SH3BP4: variants seen among roughly 807,000 people sequenced by gnomAD.
The protein encoded by SH3BP4 is SH3 domain binding protein 4, also known as SH3 domain-binding protein 4.
In SH3BP4, 33 loss-of-function variants were observed where a neutral mutation model predicts 65.5. The observed-to-expected ratio is 0.50, with a 90% CI of 0.38 to 0.67. The LOEUF is 0.67. SH3BP4 is among the 30% of genes least tolerant of loss of function. The pLI, the probability that SH3BP4 is intolerant of heterozygous loss-of-function variation, is 0.00. For missense variants in SH3BP4, 1,134 were observed against 1,261.4 expected (o/e 0.90, Z 1.53); for synonymous variants, 552 against 545.5 (o/e 1.01, Z -0.17).
At position 235,054,011 on chromosome 2, in the gene SH3BP4, C is replaced by G. The variant is rs914669506; in HGVS notation, c.*195C>G. 1 of 543,244 alleles carries G rather than the reference C, an allele frequency of 1.8e-6. No individual in the cohort carries two copies. Among genetic ancestry groups the G allele is most frequent in the Non-Finnish European group, 3.3e-6 (1 of 305,020 alleles). 33.7% of individuals were successfully genotyped at this position (543,244 alleles called of 1,614,324 possible). On this transcript the variant is annotated 3_prime_UTR_variant, in exon 6 of 6. Transcript: ENST00000392011. Reference sequence around the variant, plus strand: ...GGCCTGAAGGGACTGCCTACTGCAGCTCGTTGCCAATCACATAGCTTTCTA... The same window carrying G: ...GGCCTGAAGGGACTGCCTACTGCAGGTCGTTGCCAATCACATAGCTTTCTA...
At chr2:235,027,795 T>G (rs1015815393) in intron 2 of SH3BP4, among the ~76,000 whole-genome samples, 1 of 152,182 alleles carries the variant, frequency 6.6e-6, no homozygotes, top group African/African-American at 2.4e-5. Flanking sequence ...ACGTGAACAG[T>G]CTGTGCGCTC....
rs970724428 is a variant in SH3BP4 at position 235,035,501 on chromosome 2, T to C, written c.118+381T>C. On this transcript the variant is annotated intron_variant, in intron 3 of 5. Coordinates refer to ENST00000392011, the MANE Select transcript of SH3BP4 (RefSeq NM_014521.3). This position sits in a 1 kb window ranked among gnomAD's most constrained non-coding sequence, Gnocchi z 5.0. ...CGGGGAGAGGTCAGCAAACCTTTTC[T>C]CCAAACAGTCTGATGGGAAATATTT... Among the ~76,000 whole-genome samples the C allele has an allele frequency of 6.6e-6, 1 of 152,170 alleles. No homozygotes were observed. Among genetic ancestry groups the C allele is most frequent in the Non-Finnish European group, 1.5e-5 (1 of 68,044 alleles).
At chr2:235,049,078 A>G (rs1695965479) in intron 4 of SH3BP4, among the ~76,000 whole-genome samples, 1 of 152,240 alleles carries the variant, frequency 6.6e-6, no homozygotes, top group South Asian at 2.1e-4. Flanking sequence ...AAACTAAACC[A>G]GGGCTGGGCT....
Position 235,034,445 on chromosome 2 carries a change from C to T in SH3BP4, c.-132-426C>T, listed in dbSNP as rs933085466. On this transcript the variant is annotated intron_variant, in intron 2 of 5. Transcript: ENST00000392011. The surrounding 1 kb of genome is among the most constrained non-coding windows in gnomAD (Gnocchi z 6.2). ...GGGCCGAGTCACCATGATGACTGCC[C>T]CTGCGCTGGGATCAGCCACTCTGAA... is the stretch of plus-strand genomic sequence containing the variant. 6.6e-6 allele frequency among the ~76,000 whole-genome samples: 1 copy of T among 152,064 alleles called. No homozygotes were observed. Among genetic ancestry groups the T allele is most frequent in the Non-Finnish European group, 1.5e-5 (1 of 68,024 alleles).
chr2:235,023,495 C>T (rs754194242), intron 2 of SH3BP4, among the ~76,000 whole-genome samples: 6 of 151,904 alleles, frequency 3.9e-5, no homozygotes, highest in Non-Finnish European at 5.9e-5. Flanking sequence ...TGCAGTGAGC[C>T]GAGATCGCAT....
chr2:234,954,540 G>A (rs1031743251), intron 1 of SH3BP4, among the ~76,000 whole-genome samples: 3 of 152,194 alleles, frequency 2.0e-5, no homozygotes, highest in East Asian at 1.9e-4. Context: ...GTCTGTTCAT[G>A]TATTGTGCTC....
In SH3BP4 at chr2:235,014,245, G is replaced by A. The variant is rs756588966; in HGVS notation, c.-133+18869G>A. Among the ~76,000 whole-genome samples the A allele has an allele frequency of 7.9e-5, 12 of 152,280 alleles. No homozygotes were observed. In the South Asian group the frequency reaches 2.3e-3, roughly 29 times the overall value. ...TTGGCGAGCAGGATCGGGCGATGCC[G>A]GATACTTTGGGCTCTTAGGAAAGTC... On this transcript the variant is annotated intron_variant, in intron 2 of 5. Transcript: ENST00000392011.
chr2:234,974,974 G>A lies in SH3BP4; in HGVS notation c.-206-20329G>A, dbSNP rs1195100856. 2.0e-5 allele frequency among the ~76,000 whole-genome samples: 3 copies of A among 152,202 alleles called. No homozygotes were observed. The highest frequency in any genetic ancestry group is 6.5e-5 in the Admixed American group (1 of 15,284). On this transcript the variant is annotated intron_variant, in intron 1 of 5. Transcript: ENST00000392011. The surrounding 1 kb of genome is among the most constrained non-coding windows in gnomAD (Gnocchi z 4.6). The stretch of plus-strand genomic sequence containing the variant: ...CATGTGGGAAGCATGCCCAGCACAC[G>A]TCTCAGTCCCGTCCCTCGGAGCAGG...
chr2:235,050,642 G>A (rs1054939671), intron 4 of SH3BP4, among the ~76,000 whole-genome samples: 1 of 151,782 alleles, frequency 6.6e-6, no homozygotes. Context: ...GCCACAAGTC[G>A]CCAAAAAGGT....
chr2:234,975,751 C>T (rs1231241916), intron 1 of SH3BP4, among the ~76,000 whole-genome samples: 1 of 152,086 alleles, frequency 6.6e-6, no homozygotes, highest in African/African-American at 2.4e-5. Context: ...TGGTGCATGC[C>T]TGTAGACTCA....
At chr2:234,959,109 G>A (rs148804858) in intron 1 of SH3BP4, among the ~76,000 whole-genome samples, 23 of 152,238 alleles carry the variant, frequency 1.5e-4, no homozygotes, top group African/African-American at 5.5e-4. Flanking sequence ...TTTCCCACTA[G>A]CCTTTGTGGA....
At position 235,026,105 on chromosome 2, in the gene SH3BP4, A is replaced by AT. The variant is rs1194740947; in HGVS notation, c.-132-8765dup. On this transcript the variant is annotated intron_variant, in intron 2 of 5. Coordinates refer to ENST00000392011, the MANE Select transcript of SH3BP4 (RefSeq NM_014521.3). The surrounding 1 kb of genome is among the most constrained non-coding windows in gnomAD (Gnocchi z 4.6). Reference sequence around the variant, plus strand: ...TGCTGAGAACAACCCTACAGAGGGGATGGGGGAGGGATGGGGCCAGGAATA... The same window carrying AT: ...TGCTGAGAACAACCCTACAGAGGGGATTGGGGGAGGGATGGGGCCAGGAATA... Among the ~76,000 whole-genome samples, 1 of 151,830 alleles carries AT rather than the reference A, an allele frequency of 6.6e-6. No individual in the cohort carries two copies. The highest frequency in any genetic ancestry group is 1.5e-5 in the Non-Finnish European group (1 of 67,982).
chr2:234,986,179 G>A (rs1045604351), intron 1 of SH3BP4, among the ~76,000 whole-genome samples: 2 of 151,192 alleles, frequency 1.3e-5, no homozygotes, highest in South Asian at 4.1e-4. Flanking sequence ...TGGTGCAGGC[G>A]TTATCTCTCT....
At chr2:234,959,915 G>A (rs191105404) in intron 1 of SH3BP4, among the ~76,000 whole-genome samples, 6 of 152,238 alleles carry the variant, frequency 3.9e-5, no homozygotes, top group African/African-American at 1.4e-4. Context: ...GCCTCCCAAA[G>A]TGCTGGGATT....
chr2:235,038,380 TA>T (rs1559254691), intron 3 of SH3BP4, among the ~76,000 whole-genome samples: 4 of 7,352 alleles, frequency 5.4e-4, no homozygotes, highest in African/African-American at 3.3e-3. Flanking sequence ...TATATACATA[TA>T]TATATATATA....
intron 1 of SH3BP4, among the ~76,000 whole-genome samples, chr2:234,958,388 G>GC (rs894328050): frequency 2.3e-4 from 35 of 152,172 alleles, no homozygotes; most frequent in African/African-American, 8.4e-4. Flanking sequence ...GGCACACGAG[G>GC]CCCCTGGGGT....
chr2:235,009,622 G>A (rs888981019), intron 2 of SH3BP4, among the ~76,000 whole-genome samples: 4 of 151,992 alleles, frequency 2.6e-5, no homozygotes, highest in African/African-American at 9.7e-5. Flanking sequence ...GGTGGTAACT[G>A]TTCTCTGGGG....
At chr2:234,968,406 A>T (rs1269710010) in intron 1 of SH3BP4, among the ~76,000 whole-genome samples, 87 of 79,872 alleles carry the variant, frequency 1.1e-3, no homozygotes, top group South Asian at 2.7e-3. Context: ...CAAGTTGTTT[A>T]CTCTTATTTT....
chr2:234,970,176 C>T (rs532004926), intron 1 of SH3BP4, among the ~76,000 whole-genome samples: 8 of 152,304 alleles, frequency 5.3e-5, no homozygotes, highest in African/African-American at 1.7e-4. Flanking sequence ...GTTTCTAGAG[C>T]GCTTCTGCTT....
Sources: allele counts gnomAD v4.1 joint callset (sites outside exome capture counted in the v4.1 genomes callset), GRCh38; gene constraint gnomAD v4.1.1; non-coding constraint Gnocchi (gnomAD v3.1); transcripts MANE v1.5; gene names NCBI Gene and HGNC (gene_info 2026-07-23, HGNC 2026-07-21).